Variants in CCNL1 observed in about 807,000 individuals in gnomAD.
CCNL1 encodes the protein cyclin L1.
CCNL1 carries 13 observed loss-of-function variants against 60.6 expected under a neutral mutation model. The ratio of observed to expected loss-of-function variants is 0.21; its 90% CI spans 0.14 to 0.34. CCNL1 has a LOEUF of 0.34. Among genes scored for constraint, CCNL1 ranks in the 10% least tolerant of loss-of-function variants. The pLI, the probability that CCNL1 is intolerant of heterozygous loss-of-function variation, is 1.00. For missense variants in CCNL1, 481 were observed against 664.3 expected (o/e 0.72, Z 3.03); for synonymous variants, 270 against 244.3 (o/e 1.10, Z -0.98).
At chr3:157,158,630 T>C (rs1738809932) in intron 3 of CCNL1, 1 of 384,140 alleles carries the variant, frequency 2.6e-6, no homozygotes, top group Non-Finnish European at 4.8e-6. Context: ...TTCACAGCAC[T>C]GTTAGGATTG....
intron 3 of CCNL1, among the ~76,000 whole-genome samples, chr3:157,156,740 T>A (rs1409889239): frequency 6.6e-6 from 1 of 152,222 alleles, no homozygotes; most frequent in Non-Finnish European, 1.5e-5. Flanking sequence ...ATGAATAAAC[T>A]AGATTAAAAC....
At chr3:157,152,377 C>T (rs1374572547) in intron 4 of CCNL1, 136 bp from the exon 5 acceptor site, 1 of 1,407,414 alleles carries the variant, frequency 7.1e-7, no homozygotes, top group Non-Finnish European at 9.3e-7. Flanking sequence ...TTTAAATGTA[C>T]ATAAGATTCT....
intron 2 of CCNL1, 58 bp downstream of exon 2, chr3:157,159,347 C>G (rs1738877697): frequency 6.6e-7 from 1 of 1,509,132 alleles, no homozygotes; most frequent in East Asian, 2.3e-5. Context: ...TGACACTACC[C>G]CTACTCTGCC....
intron 5 of CCNL1, chr3:157,150,602 CTTTTAAATTA>C: frequency 4.9e-6 from 6 of 1,220,838 alleles, no homozygotes; most frequent in Non-Finnish European, 6.2e-6. Flanking sequence ...GAGCGAAGCC[CTTTTAAATTA>C]TTTCATATTA....
rs1205600131 is a variant in CCNL1 at position 157,159,951 on chromosome 3, C to T, written c.144G>A (p.Ser48=). ...AGTGGTCGATGGTAAGTGAAACTTC[C>T]GAGTACAGGCGATCGCCGATCAGGA... ...GGILIGDRLY[S]EVSLTIDHSL... Residue 48 remains serine (S), a synonymous_variant, in exon 1 of 11, where the codon TCG becomes TCA. Transcript: ENST00000295926. The T allele has an allele frequency of 6.2e-7, 1 of 1,600,612 alleles. No homozygotes were observed. The highest frequency in any genetic ancestry group is 8.5e-7 in the Non-Finnish European group (1 of 1,173,610).
At chr3:157,156,700 A>G (rs755126893) in intron 3 of CCNL1, among the ~76,000 whole-genome samples, 7 of 152,206 alleles carry the variant, frequency 4.6e-5, no homozygotes, top group Non-Finnish European at 7.3e-5. Flanking sequence ...CTCCACTGTA[A>G]TTGTCAAAGT....
intron 3 of CCNL1, chr3:157,154,740 A>T (rs914559577): frequency 6.6e-6 from 1 of 152,150 alleles, no homozygotes; most frequent in Non-Finnish European, 1.5e-5. Flanking sequence ...GCTGTTACTT[A>T]AAATGGCCTT....
At chr3:157,154,125 C>T (rs1040807480) in intron 3 of CCNL1, 1 of 152,180 alleles carries the variant, frequency 6.6e-6, no homozygotes, top group African/African-American at 2.4e-5. Context: ...AAAAGTAGCA[C>T]ATTCAACTGA....
chr3:157,152,489 G>A, intron 4 of CCNL1: 1 of 1,184,336 alleles, frequency 8.4e-7, no homozygotes. Flanking sequence ...TTTTTCATTG[G>A]CACTTTACTA....
Position 157,150,127 on chromosome 3 carries a change from T to C in CCNL1, c.817A>G (p.Thr273Ala), listed in dbSNP as rs764971479. The C allele has an allele frequency of 1.9e-6, 3 of 1,613,212 alleles. No homozygotes were observed. Among genetic ancestry groups the C allele is most frequent in the Non-Finnish European group, 2.5e-6 (3 of 1,179,742 alleles). ...TRPHWFLLFG[T>A]TEEEIQEICI... is the part of the protein sequence containing the mutation. Reference sequence around the variant, plus strand: ...ATTTCCTGGATTTCCTCTTCTGTAGTACCAAAAAGAAGAAACCAATGGGGA... The same window carrying C: ...ATTTCCTGGATTTCCTCTTCTGTAGCACCAAAAAGAAGAAACCAATGGGGA... The change falls in exon 7 of 11, where the codon ACT (threonine) becomes GCT (alanine). Residue 273 changes from threonine (T) to alanine (A), a missense_variant. Physicochemically the swap from Thr to Ala is moderately conservative, Grantham distance 58. Coordinates refer to ENST00000295926, the MANE Select transcript of CCNL1 (RefSeq NM_020307.4).
At chr3:157,158,651 C>G (rs1412758037) in intron 3 of CCNL1, 2 of 418,770 alleles carry the variant, frequency 4.8e-6, no homozygotes, top group African/African-American at 4.1e-5. Flanking sequence ...TCCATAAATG[C>G]AACTGCCTCT....
chr3:157,151,571 G>GTAGT, intron 5 of CCNL1: 1 of 985,948 alleles, frequency 1.0e-6, no homozygotes, highest in South Asian at 4.7e-5. Flanking sequence ...GTCTCCTTTG[G>GTAGT]TAGTATTCAT....
intron 2 of CCNL1, 175 bp from the exon 3 acceptor site, chr3:157,159,150 G>A: frequency 3.2e-6 from 2 of 628,752 alleles, no homozygotes; most frequent in Non-Finnish European, 5.5e-6. Context: ...TCTTAATTTT[G>A]GTTCCAGAGT....
In CCNL1 at chr3:157,148,295, A is replaced by C. The variant is rs766152219; in HGVS notation, c.1527T>G (p.His509Gln). The C allele has an allele frequency of 1.1e-5, 17 of 1,614,172 alleles. No homozygotes were observed. Among genetic ancestry groups the C allele is most frequent in the Non-Finnish European group, 1.4e-5 (17 of 1,180,018 alleles). ...RERSRSFERS[H>Q]KSKHHGGSRS... Reference sequence around the variant, plus strand: ...GACTGCCACCATGGTGCTTGCTTTTATGGGACCTCTCAAAGGAGCGAGATC... The same window carrying C: ...GACTGCCACCATGGTGCTTGCTTTTCTGGGACCTCTCAAAGGAGCGAGATC... The change falls in exon 11 of 11, where the codon CAT (histidine) becomes CAG (glutamine). Residue 509 changes from histidine to glutamine, a missense_variant. This residue lies in a region of CCNL1 where 197 missense variants were observed against 233.9 expected (regional missense o/e 0.84). Transcript: ENST00000295926.
At position 157,153,020 on chromosome 3, in the gene CCNL1, G is replaced by A; in HGVS notation, c.609+16C>T. On this transcript the variant is annotated intron_variant, in intron 4 of 10. Coordinates refer to ENST00000295926, the MANE Select transcript of CCNL1 (RefSeq NM_020307.4). Reference sequence around the variant, plus strand: ...CCTAATACTTACGAACCCAATTTCTGTACTCTACAACTCACCTTATGAGGA... The same window carrying A: ...CCTAATACTTACGAACCCAATTTCTATACTCTACAACTCACCTTATGAGGA... 3.7e-6 allele frequency: 6 copies of A among 1,611,982 alleles called. No individual in the cohort carries two copies. The highest frequency in any genetic ancestry group is 5.1e-6 in the Non-Finnish European group (6 of 1,179,130).
At chr3:157,152,917 A>G (rs1177739548) in intron 4 of CCNL1, 119 bp downstream of exon 4, 46 of 1,516,864 alleles carry the variant, frequency 3.0e-5, no homozygotes, top group East Asian at 7.5e-5. Context: ...CTGAACCTTT[A>G]AAAGAATGCT....
At position 157,158,986 on chromosome 3, in the gene CCNL1, C is replaced by G; in HGVS notation, c.379-11G>C. ...AGCCATAGCAACAATCTGAAAGAAC[C>G]CATGAGCCACAAAAGCCATTGTTAG... On this transcript the variant is annotated splice_polypyrimidine_tract_variant and intron_variant, in intron 2 of 10. Transcript: ENST00000295926. The G allele has an allele frequency of 2.6e-6, 4 of 1,563,886 alleles. No homozygotes were observed. The highest frequency in any genetic ancestry group is 1.1e-5 in the South Asian group (1 of 88,444).
intron 5 of CCNL1, chr3:157,151,387 C>A (rs907009015): frequency 5.1e-6 from 5 of 985,744 alleles, no homozygotes; most frequent in Non-Finnish European, 6.0e-6. Flanking sequence ...CCAAATCACA[C>A]ATCTGCATCT....
At position 157,148,411 on chromosome 3, in the gene CCNL1, G is replaced by A. The variant is rs1333458794; in HGVS notation, c.1411C>T (p.Arg471Cys). Residue 471 changes from arginine to cysteine, a missense_variant, in exon 11 of 11, where the codon CGT becomes TGT. Physicochemically the swap from Arg to Cys is radical, Grantham distance 180 (BLOSUM62 -3). Coordinates refer to ENST00000295926, the MANE Select transcript of CCNL1 (RefSeq NM_020307.4). The part of the protein sequence containing the change: ...NRHGHKRKKS[R>C]SRSQSKSRDH... ...CGAGACTTGCTCTGAGATCGAGAAC[G>A]AGATTTTTTCCTTTTATGACCATGT... 4 of 1,614,120 alleles carry A rather than the reference G, an allele frequency of 2.5e-6. No homozygotes were observed. Among genetic ancestry groups the A allele is most frequent in the East Asian group, 2.2e-5 (1 of 44,886 alleles).
Sources: gnomAD v4.1 joint callset for allele counts (sites outside exome capture counted in the v4.1 genomes callset) on GRCh38, gnomAD v4.1.1 for gene constraint, gnomAD v4.1.1 regional missense constraint, MANE v1.5 for transcripts, NCBI Gene and HGNC (gene_info 2026-07-23, HGNC 2026-07-21) for gene names.